Variants in CDK14 observed in about 807,000 individuals in gnomAD.
The protein encoded by CDK14 is cyclin dependent kinase 14.
CDK14 carries 34 observed loss-of-function variants against 60.7 expected under a neutral mutation model. The observed-to-expected ratio is 0.56, with a 90% confidence interval of 0.43 to 0.75. The LOEUF is 0.75. Ranked by LOEUF, CDK14 falls within the 30% of genes least tolerant of loss-of-function variation. The pLI, the probability that CDK14 is intolerant of heterozygous loss-of-function variation, is 0.00. For synonymous variants in CDK14, 197 were observed against 203.7 expected, an observed-to-expected ratio of 0.97 and a Z score of 0.28; for missense variants, 482 against 564.1, an observed-to-expected ratio of 0.85 and a Z score of 1.47.
At chr7:91,095,548 T>C (rs913202638) in intron 12 of CDK14, among the ~76,000 whole-genome samples, 3 of 152,218 alleles carry the variant, frequency 2.0e-5, no homozygotes, top group Non-Finnish European at 4.4e-5. Flanking sequence ...TATTTTATTG[T>C]AGTTTAAAAT....
chr7:91,031,173 A>G (rs1412741067), intron 10 of CDK14, among the ~76,000 whole-genome samples: 1 of 152,198 alleles, frequency 6.6e-6, no homozygotes, highest in Non-Finnish European at 1.5e-5. Flanking sequence ...ACACAACTCC[A>G]TTTTAGGTGC....
At chr7:90,667,649 A>G (rs1801012256) in intron 2 of CDK14, among the ~76,000 whole-genome samples, 1 of 151,216 alleles carries the variant, frequency 6.6e-6, no homozygotes, top group Non-Finnish European at 1.5e-5. Context: ...TGCTCACTGC[A>G]AGCTCTGCCT....
At chr7:90,740,270 TAG>T (rs397890123) in intron 3 of CDK14, among the ~76,000 whole-genome samples, 2,242 of 140,096 alleles carry the variant, frequency 0.016, 17 homozygotes, top group Middle Eastern at 0.033. Context: ...TATATATATA[TAG>T]AGAGAGAGAG....
intron 5 of CDK14, among the ~76,000 whole-genome samples, chr7:90,812,566 A>G (rs1789172615): frequency 1.3e-5 from 2 of 152,198 alleles, no homozygotes; most frequent in Non-Finnish European, 2.9e-5. Flanking sequence ...ATGTATACAT[A>G]TGTTACTAAC....
chr7:91,052,935 A>G (rs955108678), intron 11 of CDK14, among the ~76,000 whole-genome samples: 4 of 152,280 alleles, frequency 2.6e-5, no homozygotes, highest in East Asian at 3.9e-4. Context: ...AACTAATCCT[A>G]CAGACACATT....
chr7:91,006,822 T>C (rs1188144396), intron 10 of CDK14, among the ~76,000 whole-genome samples: 3 of 152,218 alleles, frequency 2.0e-5, no homozygotes, highest in Non-Finnish European at 4.4e-5. Context: ...GTCACCTAAA[T>C]CAGTCACGGA....
At chr7:90,987,867 T>C (rs1228079170) in intron 10 of CDK14, among the ~76,000 whole-genome samples, 1 of 152,170 alleles carries the variant, frequency 6.6e-6, no homozygotes, top group African/African-American at 2.4e-5. Flanking sequence ...ATCTGGCCTC[T>C]GGTAAAGCAT....
At chr7:90,740,264 TATATATAG>T (rs1803289024) in intron 3 of CDK14, among the ~76,000 whole-genome samples, 1 of 114,834 alleles carries the variant, frequency 8.7e-6, no homozygotes, top group African/African-American at 2.9e-5. Context: ...TATATATATA[TATATATAG>T]AGAGAGAGAG....
At chr7:90,914,827 G>A (rs532782981) in intron 7 of CDK14, among the ~76,000 whole-genome samples, 19 of 152,176 alleles carry the variant, frequency 1.2e-4, no homozygotes, top group African/African-American at 2.9e-4. Flanking sequence ...ATTCCAAGGC[G>A]CCTGTTATTT....
At chr7:91,015,719 A>T (rs2079919281) in intron 10 of CDK14, among the ~76,000 whole-genome samples, 1 of 149,158 alleles carries the variant, frequency 6.7e-6, no homozygotes, top group Admixed American at 6.7e-5. Flanking sequence ...TTTAGTAGAG[A>T]TGGGGTTGTC....
intron 1 of CDK14, among the ~76,000 whole-genome samples, chr7:90,599,381 C>CG (rs1362849576): frequency 6.6e-6 from 1 of 152,210 alleles, no homozygotes; most frequent in African/African-American, 2.4e-5. Flanking sequence ...AGCCTTAAAA[C>CG]GGAGTTAGGC....
At chr7:90,642,247 G>T (rs564637558) in intron 2 of CDK14, among the ~76,000 whole-genome samples, 1 of 152,276 alleles carries the variant, frequency 6.6e-6, no homozygotes, top group South Asian at 2.1e-4. Flanking sequence ...TGCCAGAAAT[G>T]ACATACTTTG....
chr7:90,717,098 C>G (rs1465827749), intron 2 of CDK14, among the ~76,000 whole-genome samples: 1 of 151,992 alleles, frequency 6.6e-6, no homozygotes, highest in Non-Finnish European at 1.5e-5. Flanking sequence ...GTTAGTAATT[C>G]TACCCTTGCT....
intron 10 of CDK14, among the ~76,000 whole-genome samples, chr7:91,021,408 A>C (rs2115875394): frequency 6.6e-6 from 1 of 152,332 alleles, no homozygotes; most frequent in African/African-American, 2.4e-5. Flanking sequence ...ACTTAGGACA[A>C]TGCCTGCTGC....
At chr7:90,994,435 A>G (rs908101733) in intron 10 of CDK14, among the ~76,000 whole-genome samples, 8 of 152,240 alleles carry the variant, frequency 5.3e-5, no homozygotes, top group Non-Finnish European at 8.8e-5. Flanking sequence ...TGGTCAGAGC[A>G]GTCACAAACT....
chr7:90,712,940 TTATCATTCATTAGCCAACG>T (rs1802118867), intron 2 of CDK14, among the ~76,000 whole-genome samples: 1 of 152,086 alleles, frequency 6.6e-6, no homozygotes, highest in African/African-American at 2.4e-5. Flanking sequence ...AATTGGTTCA[TTATCATTCATTAGCCAACG>T]TGAGAGGGAA....
At chr7:91,187,856 A>G (rs562909034) in intron 14 of CDK14, among the ~76,000 whole-genome samples, 1 of 152,262 alleles carries the variant, frequency 6.6e-6, no homozygotes, top group East Asian at 1.9e-4. Context: ...TTATTATGCA[A>G]ATGGAGTCTT....
At chr7:90,868,082 A>T (rs986495871) in intron 6 of CDK14, among the ~76,000 whole-genome samples, 1 of 152,150 alleles carries the variant, frequency 6.6e-6, no homozygotes, top group Non-Finnish European at 1.5e-5. Flanking sequence ...ATGAGCTACA[A>T]TTGTACCACT....
chr7:90,912,906 C>T (rs987155070), intron 7 of CDK14, among the ~76,000 whole-genome samples: 9 of 152,064 alleles, frequency 5.9e-5, no homozygotes, highest in African/African-American at 1.2e-4. Context: ...GCCACTGCCC[C>T]GGGCCTGATT....
Sources: gnomAD v4.1 joint callset for allele counts (sites outside exome capture counted in the v4.1 genomes callset) on GRCh38, gnomAD v4.1.1 for gene constraint, MANE v1.5 for transcripts, NCBI Gene and HGNC (gene_info 2026-07-23, HGNC 2026-07-21) for gene names.